The following FBXL4 variants were observed in gnomAD, a reference collection of about 807,000 sequenced individuals.
FBXL4 encodes the protein F-box/LRR-repeat protein 4.
A neutral mutation model predicts 58.9 loss-of-function variants in FBXL4; 40 were observed. That is an observed-to-expected ratio of 0.68 (90% confidence interval 0.53 to 0.88). The LOEUF (loss-of-function observed/expected upper bound fraction) is 0.88. FBXL4 is among the 40% of genes least tolerant of loss of function. The pLI, the probability that FBXL4 is intolerant of heterozygous loss-of-function variation, is 0.00. For synonymous variants in FBXL4, 263 were observed against 265.5 expected, an observed-to-expected ratio of 0.99 and a Z score of 0.09; for missense variants, 676 against 734.4, an observed-to-expected ratio of 0.92 and a Z score of 0.92.
At chr6:98,889,769 G>A (rs1771162698) in intron 7 of FBXL4, among the ~76,000 whole-genome samples, 1 of 151,804 alleles carries the variant, frequency 6.6e-6, no homozygotes. Context: ...TTTGGTGTAT[G>A]CAGATATGAA....
At chr6:98,879,686 G>A (rs943465031) in intron 8 of FBXL4, among the ~76,000 whole-genome samples, 1 of 151,986 alleles carries the variant, frequency 6.6e-6, no homozygotes, top group Admixed American at 6.6e-5. Flanking sequence ...TTCAAGACCA[G>A]CCTACCCAAT....
At position 98,943,397 on chromosome 6, in the gene FBXL4, G is replaced by A. The variant is rs547566464; in HGVS notation, c.-309+4409C>T. Among the ~76,000 whole-genome samples, 438 of 151,628 alleles carry A rather than the reference G, an allele frequency of 2.9e-3. 2 individuals carry two copies. Among genetic ancestry groups the A allele is most frequent in the Non-Finnish European group, 5.1e-3 (345 of 67,822 alleles). On this transcript the variant is annotated intron_variant, in intron 1 of 9. Coordinates refer to ENST00000369244, the MANE Select transcript of FBXL4 (RefSeq NM_001278716.2). ...AGACCAGCCTGGGCAACATGGTGAAGCCCCATCTCTACAAAAAACACAAAA... is the reference window on the plus strand; with the variant it reads ...AGACCAGCCTGGGCAACATGGTGAAACCCCATCTCTACAAAAAACACAAAA...
intron 5 of FBXL4, among the ~76,000 whole-genome samples, chr6:98,914,044 G>A (rs1021069693): frequency 9.0e-4 from 137 of 152,304 alleles, no homozygotes; most frequent in African/African-American, 3.2e-3. Flanking sequence ...ACATCTCTAT[G>A]CAAATAAACT....
intron 5 of FBXL4, among the ~76,000 whole-genome samples, chr6:98,913,578 C>T (rs532056497): frequency 0.017 from 2,530 of 152,126 alleles, 65 homozygotes; most frequent in African/African-American, 0.058. Flanking sequence ...GGGTACATAA[C>T]GAAATGAAGG....
intron 7 of FBXL4, among the ~76,000 whole-genome samples, chr6:98,885,257 C>T (rs1289360605): frequency 3.3e-5 from 5 of 152,168 alleles, no homozygotes; most frequent in African/African-American, 1.2e-4. Flanking sequence ...GCATGTGCCA[C>T]CACACCCAGC....
intron 8 of FBXL4, among the ~76,000 whole-genome samples, chr6:98,878,149 A>G (rs1770720738): frequency 6.6e-6 from 1 of 152,232 alleles, no homozygotes; most frequent in Non-Finnish European, 1.5e-5. Context: ...AATAGATCAC[A>G]ATCACCATGG....
At position 98,917,497 on chromosome 6, in the gene FBXL4, A is replaced by G. The variant is rs369242693; in HGVS notation, c.735T>C (p.Asp245=). Residue 245 remains aspartate (D), a synonymous_variant, in exon 5 of 10, where the codon GAT becomes GAC. Transcript: ENST00000369244. ...TTTCTGCATAGGCATCATCTTCTATATCATTCATGTCAATAAGTGAAGTCT... is the reference window on the plus strand; with the variant it reads ...TTTCTGCATAGGCATCATCTTCTATGTCATTCATGTCAATAAGTGAAGTCT... ...SLKTSLIDMN[D]IEDDAYAEKD... 24 of 1,613,962 alleles carry G rather than the reference A, an allele frequency of 1.5e-5. No homozygotes were observed. The Admixed American group carries it at 2.0e-4, about 13-fold the overall frequency.
intron 4 of FBXL4, among the ~76,000 whole-genome samples, chr6:98,922,374 T>C (rs1374037362): frequency 6.6e-6 from 1 of 152,222 alleles, no homozygotes; most frequent in African/African-American, 2.4e-5. Flanking sequence ...ATTTTAAATG[T>C]TCTGGGACTA....
chr6:98,943,168 C>T (rs764817555), intron 1 of FBXL4, among the ~76,000 whole-genome samples: 1 of 151,168 alleles, frequency 6.6e-6, no homozygotes, highest in Non-Finnish European at 1.5e-5. Context: ...TAGGTGGAAA[C>T]TGGGTGAATG....
intron 2 of FBXL4, among the ~76,000 whole-genome samples, chr6:98,933,488 A>T (rs921512567): frequency 6.6e-6 from 1 of 152,120 alleles, no homozygotes; most frequent in Non-Finnish European, 1.5e-5. Flanking sequence ...CAGCATCCTG[A>T]AATCTTCAAC....
intron 1 of FBXL4, among the ~76,000 whole-genome samples, chr6:98,935,566 G>C (rs1773182137): frequency 6.6e-6 from 1 of 151,336 alleles, no homozygotes; most frequent in African/African-American, 2.4e-5. Context: ...GAGGCGGGTG[G>C]ATCATGAGGT....
chr6:98,943,810 A>C (rs2128414142), intron 1 of FBXL4, among the ~76,000 whole-genome samples: 1 of 152,292 alleles, frequency 6.6e-6, no homozygotes, highest in South Asian at 2.1e-4. Context: ...AAGACAATGT[A>C]GACTCCCAGC....
At chr6:98,907,168 G>C (rs950081278) in intron 5 of FBXL4, among the ~76,000 whole-genome samples, 4 of 152,184 alleles carry the variant, frequency 2.6e-5, no homozygotes, top group African/African-American at 4.8e-5. Context: ...GCTTCAAAGA[G>C]TCAGGGGCAA....
chr6:98,891,867 AG>A (rs1333348884), intron 7 of FBXL4, among the ~76,000 whole-genome samples: 1 of 152,162 alleles, frequency 6.6e-6, no homozygotes. Flanking sequence ...CTTTCCAGGT[AG>A]ATTTCTTACA....
intron 4 of FBXL4, among the ~76,000 whole-genome samples, chr6:98,919,774 T>G (rs1356940985): frequency 2.0e-5 from 3 of 152,230 alleles, no homozygotes; most frequent in Non-Finnish European, 4.4e-5. Context: ...ATGCCTAATT[T>G]TGGATACCTT....
At position 98,921,893 on chromosome 6, in the gene FBXL4, G is replaced by A. The variant is rs145394162; in HGVS notation, c.513-4174C>T. Among the ~76,000 whole-genome samples, 751 of 151,744 alleles carry A rather than the reference G, an allele frequency of 4.9e-3. 26 individuals are homozygous for A. Among genetic ancestry groups the A allele is most frequent in the Admixed American group, 0.045 (680 of 15,224 alleles). ...TCTATTTGTCATCTTCTTCTTCCCC[G>A]TTTCCTTGTCTCTCTCTTCCAAATG... On this transcript the variant is annotated intron_variant, in intron 4 of 9. Transcript: ENST00000369244.
intron 9 of FBXL4, 103 bp downstream of exon 9, chr6:98,875,312 T>G: frequency 9.3e-7 from 1 of 1,073,138 alleles, no homozygotes. Flanking sequence ...GATAAAATTT[T>G]TATTGTATCC....
chr6:98,897,388 A>G, intron 7 of FBXL4: 2 of 975,502 alleles, frequency 2.1e-6, no homozygotes, highest in Non-Finnish European at 2.4e-6. Flanking sequence ...GACAATAATT[A>G]TTTCATTTTA....
In FBXL4 at chr6:98,896,982, T is replaced by C. The variant is rs996752665; in HGVS notation, c.1317+2286A>G. 1.1e-5 allele frequency: 11 copies of C among 985,016 alleles called. No individual in the cohort carries two copies. The African/African-American group carries it at 1.6e-4, about 14-fold the overall frequency. The allele number at this position is 985,016 out of a possible 1,614,324, so 61.0% of individuals were successfully genotyped here. On this transcript the variant is annotated intron_variant, in intron 7 of 9. Transcript: ENST00000369244. The stretch of plus-strand genomic sequence containing the variant: ...CTCTGACACTTAGATCACATTACTA[T>C]ACAACATTTCAAAAACATCTCATGG...
Sources: allele counts gnomAD v4.1 joint callset (sites outside exome capture counted in the v4.1 genomes callset), GRCh38; gene constraint gnomAD v4.1.1; transcripts MANE v1.5; gene names NCBI Gene and HGNC (gene_info 2026-07-23, HGNC 2026-07-21).